The following TRIM67 variants were observed in gnomAD, a reference collection of about 807,000 sequenced individuals.
TRIM67 encodes the protein tripartite motif containing 67, also known as tripartite motif-containing protein 67.
TRIM67 carries 39 observed loss-of-function variants against 71.0 expected under a neutral mutation model. That is an observed-to-expected ratio of 0.55 (90% CI 0.43 to 0.72). The LOEUF (loss-of-function observed/expected upper bound fraction) is 0.72, where lower values mean the gene tolerates loss of function less well. TRIM67 is among the 30% of genes least tolerant of loss of function. The pLI, the probability that TRIM67 is intolerant of heterozygous loss-of-function variation, is 0.00. For synonymous variants in TRIM67, 481 were observed against 473.9 expected (o/e 1.01, Z -0.19); for missense variants, 973 against 1,079.2 (o/e 0.90, Z 1.38).
In TRIM67 at chr1:231,215,661, T is replaced by G; in HGVS notation, c.*221T>G. On this transcript the variant is annotated 3_prime_UTR_variant, in exon 10 of 10. Transcript: ENST00000366653. ...ACTGTCAGTGGCAAAGGAAGGTACG[T>G]GTGTCACCCTTATTCCACCCAGACA... The G allele has an allele frequency of 7.6e-7, 1 of 1,318,240 alleles. No individual in the cohort carries two copies. The highest frequency in any genetic ancestry group is 9.7e-7 in the Non-Finnish European group (1 of 1,032,876). 81.7% of individuals were successfully genotyped at this position (1,318,240 alleles called of 1,614,324 possible).
At chr1:231,183,498 A>G (rs1682965390) in intron 1 of TRIM67, among the ~76,000 whole-genome samples, 1 of 152,118 alleles carries the variant, frequency 6.6e-6, no homozygotes, top group South Asian at 2.1e-4. Context: ...CCAACATCCT[A>G]GTTACTTGGG....
At chr1:231,175,017 A>G (rs117936083) in intron 1 of TRIM67, among the ~76,000 whole-genome samples, 11 of 152,198 alleles carry the variant, frequency 7.2e-5, no homozygotes, top group Non-Finnish European at 1.2e-4. Flanking sequence ...GGATCAAGAA[A>G]CAGAGATCTT....
At chr1:231,164,114 G>C in intron 1 of TRIM67, 101 bp downstream of exon 1, 1 of 1,327,234 alleles carries the variant, frequency 7.5e-7, no homozygotes, top group Non-Finnish European at 9.7e-7. Flanking sequence ...GTCGGTCAGA[G>C]GGTCAGGCAG....
intron 7 of TRIM67, among the ~76,000 whole-genome samples, chr1:231,207,462 A>G (rs1365226627): frequency 6.6e-6 from 1 of 152,242 alleles, no homozygotes; most frequent in Non-Finnish European, 1.5e-5. Flanking sequence ...GCAGAGAGCA[A>G]TGAGAGAAAT....
chr1:231,221,324 C>T lies in TRIM67; in HGVS notation c.*5884C>T, dbSNP rs1684132884. On this transcript the variant is annotated 3_prime_UTR_variant, in exon 10 of 10. Transcript: ENST00000366653. ...TGGTATTTGGTGGCAGCTCTTGGTC[C>T]TATTGCTGTGGATGTTCCACTGAAA... The T allele has an allele frequency of 6.6e-6, 1 of 152,588 alleles. No individual in the cohort carries two copies. Among genetic ancestry groups the T allele is most frequent in the African/African-American group, 2.4e-5 (1 of 41,422 alleles). The allele number at this position is 152,588 out of a possible 1,614,324, so 9.5% of individuals were successfully genotyped here.
intron 1 of TRIM67, among the ~76,000 whole-genome samples, chr1:231,178,843 A>G (rs1327934005): frequency 6.6e-6 from 1 of 152,222 alleles, no homozygotes; most frequent in African/African-American, 2.4e-5. Context: ...ATGAAGTCAG[A>G]TGAGGTTAGT....
intron 6 of TRIM67, 26 bp from the exon 7 acceptor site, chr1:231,206,626 T>A: frequency 1.9e-6 from 3 of 1,542,692 alleles, no homozygotes; most frequent in Non-Finnish European, 2.6e-6. Flanking sequence ...TAGAGGAGCC[T>A]GGTGAGCAGC....
intron 1 of TRIM67, among the ~76,000 whole-genome samples, chr1:231,179,991 G>A (rs1174107491): frequency 1.3e-5 from 2 of 152,162 alleles, no homozygotes; most frequent in Non-Finnish European, 2.9e-5. Context: ...ACTTTCTCCT[G>A]TGCCTTTGTG....
chr1:231,185,901 C>T (rs1020160681), intron 1 of TRIM67, among the ~76,000 whole-genome samples: 49 of 151,786 alleles, frequency 3.2e-4, no homozygotes, highest in Admixed American at 1.4e-3. Flanking sequence ...TTGAGTTGGA[C>T]GTGGGCAAGC....
chr1:231,188,186 AC>A (rs1553324912), intron 1 of TRIM67, among the ~76,000 whole-genome samples: 6 of 152,018 alleles, frequency 3.9e-5, no homozygotes, highest in Non-Finnish European at 4.4e-5. Flanking sequence ...TCCCCCAGAC[AC>A]CTTGCTCTGT....
At chr1:231,181,464 G>A (rs115217363) in intron 1 of TRIM67, among the ~76,000 whole-genome samples, 2,629 of 152,288 alleles carry the variant, frequency 0.017, 80 homozygotes, top group African/African-American at 0.06. Context: ...TCCAAGTTGG[G>A]GGGTGGTGTT....
chr1:231,184,860 C>T, intron 1 of TRIM67: 2 of 666,816 alleles, frequency 3.0e-6, no homozygotes, highest in East Asian at 5.5e-5. Flanking sequence ...CCCCAATTCA[C>T]ACGTGAGGAC....
In TRIM67 at chr1:231,201,417, C is replaced by T; in HGVS notation, c.1434C>T (p.Ala478=). The T allele has an allele frequency of 6.2e-7, 1 of 1,613,564 alleles. No homozygotes were observed. Among genetic ancestry groups the T allele is most frequent in the South Asian group, 1.1e-5 (1 of 90,958 alleles). The stretch of plus-strand genomic sequence containing the variant: ...CTCAGGAGCAGTGGGTCAAAGGCGC[C>T]CTGGAGCCGAAAGTGTCTGCGGAGT... The part of the protein sequence containing the change: ...QVSQEQWVKG[A]LEPKVSAEFD... The change falls in exon 5 of 10, where the codon GCC becomes GCT. Residue 478 remains alanine (A), a synonymous_variant. Transcript: ENST00000366653.
chr1:231,181,172 G>T (rs1050114597), intron 1 of TRIM67, among the ~76,000 whole-genome samples: 4 of 152,102 alleles, frequency 2.6e-5, no homozygotes, highest in African/African-American at 9.7e-5. Flanking sequence ...TACCACGTTG[G>T]CCAGGATGGT....
At chr1:231,202,987 G>A (rs1558304594) in intron 5 of TRIM67, among the ~76,000 whole-genome samples, 2 of 152,156 alleles carry the variant, frequency 1.3e-5, no homozygotes, top group African/African-American at 4.8e-5. Context: ...GAGGAAGCGG[G>A]AGAGCAGAGC....
intron 1 of TRIM67, among the ~76,000 whole-genome samples, chr1:231,192,880 C>G (rs1172485042): frequency 6.6e-6 from 1 of 152,204 alleles, no homozygotes; most frequent in African/African-American, 2.4e-5. Context: ...GAGACTGTCC[C>G]CCTTTCAGCC....
intron 7 of TRIM67, 130 bp from the exon 8 acceptor site, chr1:231,208,817 A>G: frequency 1.2e-6 from 1 of 806,862 alleles, no homozygotes; most frequent in East Asian, 2.5e-5. Context: ...GTAATCATAC[A>G]GGAAAGACCC....
chr1:231,178,292 T>C (rs1682808333), intron 1 of TRIM67, among the ~76,000 whole-genome samples: 1 of 152,194 alleles, frequency 6.6e-6, no homozygotes, highest in African/African-American at 2.4e-5. Flanking sequence ...ATTGGTGCTA[T>C]AGAGGCAGGA....
chr1:231,219,481 C>A lies in TRIM67; in HGVS notation c.*4041C>A. ...CAGCCTTTATCTTGATACCCAAGCC[C>A]AGGATTTTCCATGTGTCTTCAGGGG... On this transcript the variant is annotated 3_prime_UTR_variant, in exon 10 of 10. Transcript: ENST00000366653. 9.5e-7 allele frequency: 1 copy of A among 1,054,638 alleles called. No individual in the cohort carries two copies. The highest frequency in any genetic ancestry group is 1.1e-6 in the Non-Finnish European group (1 of 872,352). 65.3% of individuals were successfully genotyped at this position (1,054,638 alleles called of 1,614,324 possible).
Sources: gnomAD v4.1 joint callset for allele counts (sites outside exome capture counted in the v4.1 genomes callset) on GRCh38, gnomAD v4.1.1 for gene constraint, MANE v1.5 for transcripts, NCBI Gene and HGNC (gene_info 2026-07-23, HGNC 2026-07-21) for gene names.